Variants in AFAP1L2 observed in about 807,000 individuals in gnomAD.
AFAP1L2 encodes actin filament-associated protein 1-like 2.
In AFAP1L2, 46 loss-of-function variants were observed where a neutral mutation model predicts 99.3. That is an observed-to-expected ratio of 0.46 (90% CI 0.37 to 0.59). AFAP1L2 has a LOEUF of 0.59. AFAP1L2 is among the 20% of genes least tolerant of loss of function. The pLI is 0.00. For synonymous variants in AFAP1L2, 397 were observed against 419.1 expected, an observed-to-expected ratio of 0.95 and a Z score of 0.64; for missense variants, 959 against 1,034.9, an observed-to-expected ratio of 0.93 and a Z score of 1.01.
intron 16 of AFAP1L2, among the ~76,000 whole-genome samples, chr10:114,298,852 A>G (rs75255300): frequency 0.029 from 4,430 of 152,302 alleles, 239 homozygotes; most frequent in African/African-American, 0.1. Flanking sequence ...ATGCATTAAC[A>G]GGTGTAGTTA....
At chr10:114,356,707 C>T (rs1357423543) in intron 1 of AFAP1L2, among the ~76,000 whole-genome samples, 1 of 152,204 alleles carries the variant, frequency 6.6e-6, no homozygotes, top group Non-Finnish European at 1.5e-5. Flanking sequence ...GCACAGAAAA[C>T]CCAAATTTCC....
rs10627231 is a variant in AFAP1L2 at position 114,295,016 on chromosome 10, TAAAAA to T, written c.*1021_*1025del. On this transcript the variant is annotated 3_prime_UTR_variant, in exon 19 of 19. Transcript: ENST00000304129. ...ATAGATGAAATGTTTCAACCTGTGTTAAAAAAAAAAAAAAAAAAATGCCATCAGAG... is the reference window on the plus strand; with the variant it reads ...ATAGATGAAATGTTTCAACCTGTGTTAAAAAAAAAAAAAATGCCATCAGAG... 1.6e-5 allele frequency: 14 copies of T among 884,448 alleles called. No individual in the cohort carries two copies. Among genetic ancestry groups the T allele is most frequent in the African/African-American group, 1.4e-4 (7 of 50,520 alleles). 54.8% of individuals were successfully genotyped at this position (884,448 alleles called of 1,614,324 possible). A position where few individuals can be genotyped will look rare whatever the true frequency, so the allele number is the denominator to read the frequency against.
chr10:114,352,772 G>A (rs2050735176), intron 1 of AFAP1L2, among the ~76,000 whole-genome samples: 1 of 152,204 alleles, frequency 6.6e-6, no homozygotes, highest in Admixed American at 6.5e-5. Context: ...CAGGTCCTTT[G>A]GTGTTTTTCT....
chr10:114,343,805 G>A (rs953920270), intron 1 of AFAP1L2, among the ~76,000 whole-genome samples: 1 of 152,172 alleles, frequency 6.6e-6, no homozygotes, highest in African/African-American at 2.4e-5. Flanking sequence ...TGGAGCTGGA[G>A]GCCCCAGCCC....
chr10:114,396,885 G>A (rs980832820), intron 1 of AFAP1L2, among the ~76,000 whole-genome samples: 3 of 152,112 alleles, frequency 2.0e-5, no homozygotes, highest in Admixed American at 2.0e-4. Context: ...AAAAGTCTCT[G>A]GCATTTAGGA....
chr10:114,285,244 G>C, the AFAP1L2 span, among the ~76,000 whole-genome samples: 1 of 152,196 alleles, frequency 6.6e-6, no homozygotes, highest in African/African-American at 2.4e-5. Context: ...GCCCAGCCCA[G>C]CTGAAGGCAG....
intron 4 of AFAP1L2, among the ~76,000 whole-genome samples, chr10:114,324,829 G>A (rs1475450363): frequency 6.6e-6 from 1 of 152,172 alleles, no homozygotes; most frequent in Non-Finnish European, 1.5e-5. Context: ...TGCTTTGGGG[G>A]AGAGGGTAAT....
intron 11 of AFAP1L2, among the ~76,000 whole-genome samples, chr10:114,304,361 A>G (rs1363056075): frequency 6.6e-6 from 1 of 152,172 alleles, no homozygotes; most frequent in African/African-American, 2.4e-5. Context: ...GATAAGCTCT[A>G]ACAGTGTGGT....
At chr10:114,319,665 A>C in intron 5 of AFAP1L2, 1 of 1,283,624 alleles carries the variant, frequency 7.8e-7, no homozygotes. Flanking sequence ...ATCCAGGAGC[A>C]CAGACAGAGG....
chr10:114,309,703 C>T (rs79703483), intron 8 of AFAP1L2, among the ~76,000 whole-genome samples: 3,981 of 152,270 alleles, frequency 0.026, 158 homozygotes, highest in African/African-American at 0.088. Flanking sequence ...AGCCCAGAGG[C>T]GCTACTGAGG....
Position 114,300,516 on chromosome 10 carries a change from G to A in AFAP1L2, c.1717C>T (p.Pro573Ser). ...SCLDNATEAL[P>S]ADSGPGPTPD... ...GTGGGACCTGGGCCTGAGTCTGCCG[G>A]GAGGGCCTCAGTTGCATTGTCCAGG... Residue 573 changes from proline to serine, a missense_variant, in exon 14 of 19, where the codon CCG (proline) becomes TCG (serine). By Grantham distance (74) the Pro-to-Ser change is moderately conservative (BLOSUM62 -1). Around this residue, in one of 2 missense-constraint regions of AFAP1L2, gnomAD observed 576 missense variants for 562.1 expected, o/e 1.02. Transcript: ENST00000304129. The A allele has an allele frequency of 6.2e-7, 1 of 1,614,160 alleles. No individual in the cohort carries two copies. Among genetic ancestry groups the A allele is most frequent in the Non-Finnish European group, 8.5e-7 (1 of 1,180,028 alleles).
intron 1 of AFAP1L2, among the ~76,000 whole-genome samples, chr10:114,352,679 G>A (rs1308634137): frequency 6.6e-6 from 1 of 152,186 alleles, no homozygotes; most frequent in African/African-American, 2.4e-5. Context: ...GCTTAGCCCA[G>A]GTGTCAACAG....
rs577246729 is a variant in AFAP1L2 at position 114,351,402 on chromosome 10, C to T, written c.17-10671G>A. On this transcript the variant is annotated intron_variant, in intron 1 of 18. Coordinates refer to ENST00000304129, the MANE Select transcript of AFAP1L2 (RefSeq NM_001001936.3). ...AGATGGATGGAAGGGGGAAAATCAC[C>T]GTATGTCCAGATTTACTGTTTCCTT... Among the ~76,000 whole-genome samples the T allele has an allele frequency of 2.4e-4, 36 of 152,256 alleles. 1 individual carries two copies. In the South Asian group the frequency reaches 6.4e-3, roughly 27 times the overall value.
At chr10:114,333,112 G>A (rs1440660471) in intron 3 of AFAP1L2, 109 bp downstream of exon 3, 27 of 990,764 alleles carry the variant, frequency 2.7e-5, no homozygotes, top group East Asian at 1.0e-4. Context: ...TCCGCCAGGC[G>A]GGTCTGTGTG....
In AFAP1L2 at chr10:114,377,657, A is replaced by G. The variant is rs751132613; in HGVS notation, c.16+26783T>C. ...GTGTGATGATGGGGTTTATTTAATA[A>G]TTATTTATTGAGCTGTCATACTTCA... On this transcript the variant is annotated intron_variant, in intron 1 of 18. Coordinates refer to ENST00000304129, the MANE Select transcript of AFAP1L2 (RefSeq NM_001001936.3). The surrounding 1 kb of genome is among the most constrained non-coding windows in gnomAD (Gnocchi z 4.0). Among the ~76,000 whole-genome samples the G allele has an allele frequency of 6.6e-5, 10 of 152,204 alleles. No individual in the cohort carries two copies. The highest frequency in any genetic ancestry group is 1.3e-4 in the Non-Finnish European group (9 of 68,030).
the AFAP1L2 span, chr10:114,281,767 C>G: frequency 2.0e-6 from 2 of 985,178 alleles, no homozygotes; most frequent in Non-Finnish European, 2.4e-6. Flanking sequence ...CTCTCCCCAT[C>G]GAAGCTTTAA....
intron 11 of AFAP1L2, among the ~76,000 whole-genome samples, chr10:114,304,227 T>C (rs902292985): frequency 6.6e-6 from 1 of 152,198 alleles, no homozygotes; most frequent in Non-Finnish European, 1.5e-5. Flanking sequence ...GGACTCGGTC[T>C]CCGCCTGCCG....
At chr10:114,283,382 C>T in the AFAP1L2 span, among the ~76,000 whole-genome samples, 7 of 152,070 alleles carry the variant, frequency 4.6e-5, no homozygotes, top group Admixed American at 2.6e-4. Flanking sequence ...GGCAGGGTAG[C>T]GAGCAGTTAG....
At chr10:114,293,690 C>T (rs2039812439), downstream of AFAP1L2, among the ~76,000 whole-genome samples, 1 of 152,024 alleles carries the variant, frequency 6.6e-6, no homozygotes, top group Non-Finnish European at 1.5e-5. Context: ...GCATATAGGC[C>T]ATAAATTTCC....
Sources: gnomAD v4.1 joint callset for allele counts (sites outside exome capture counted in the v4.1 genomes callset) on GRCh38, gnomAD v4.1.1 for gene constraint, gnomAD v4.1.1 regional missense constraint, Gnocchi (gnomAD v3.1) non-coding constraint, MANE v1.5 for transcripts, NCBI Gene and HGNC (gene_info 2026-07-23, HGNC 2026-07-21) for gene names.